NOX4: variants seen among roughly 807,000 people sequenced by gnomAD.
The protein encoded by NOX4 is NADPH oxidase 4.
NOX4 carries 69 observed loss-of-function variants against 87.6 expected under a neutral mutation model. The observed-to-expected ratio is 0.79, with a 90% CI of 0.65 to 0.96. The LOEUF is 0.96. Among genes scored for constraint, NOX4 ranks in the 40% least tolerant of loss-of-function variants. NOX4 has a pLI of 0.00. For synonymous variants in NOX4, 275 were observed against 238.2 expected (o/e 1.15, Z -1.42); for missense variants, 680 against 681.5 (o/e 1.00, Z 0.02).
intron 2 of NOX4, among the ~76,000 whole-genome samples, chr11:89,484,788 G>A (rs1009894858): frequency 6.6e-6 from 1 of 152,078 alleles, no homozygotes; most frequent in East Asian, 1.9e-4. Flanking sequence ...AGAAAATTGT[G>A]TCTAAATAAC....
chr11:89,445,192 T>C (rs1163839601), intron 4 of NOX4, among the ~76,000 whole-genome samples: 5 of 152,138 alleles, frequency 3.3e-5, no homozygotes, highest in Non-Finnish European at 7.3e-5. Flanking sequence ...ATGAGATAAG[T>C]GATCTGAAAT....
chr11:89,373,277 C>CAAAAAAAAAAAAAAAAAAAAAA (rs144113376), intron 12 of NOX4, among the ~76,000 whole-genome samples, 155 bp downstream of exon 12: 8 of 59,100 alleles, frequency 1.4e-4, no homozygotes, highest in Non-Finnish European at 2.1e-4. Context: ...ACTGTACAAG[C>CAAAAAAAAAAAAAAAAAAAAAA]AAAAAAAAAA....
chr11:89,371,192 A>C (rs1044412166), intron 12 of NOX4, among the ~76,000 whole-genome samples: 6 of 151,962 alleles, frequency 3.9e-5, no homozygotes, highest in African/African-American at 1.4e-4. Flanking sequence ...ATCTCTTTGA[A>C]CTAAAGTGTC....
intron 11 of NOX4, among the ~76,000 whole-genome samples, chr11:89,399,475 G>GT (rs1314602809): frequency 1.3e-5 from 1 of 79,214 alleles, no homozygotes; most frequent in Non-Finnish European, 2.6e-5. Flanking sequence ...ATATATATTT[G>GT]TTTTTTGAGA....
rs1362163444 is a variant in NOX4 at position 89,400,341 on chromosome 11, A to G, written c.885T>C (p.Cys295=). 4 of 1,612,376 alleles carry G rather than the reference A, an allele frequency of 2.5e-6. No individual in the cohort carries two copies. The South Asian group carries it at 3.3e-5, about 13-fold the overall frequency. The change falls in exon 10 of 18, where the codon TGT becomes TGC. Residue 295 remains cysteine (C), a synonymous_variant. Transcript: ENST00000263317. ...GGATATACCTGTAAAGTCTTTCGGC[A>G]CAGTACAGGCACAAAGGTCCAGAAA... is the stretch of plus-strand genomic sequence containing the variant. ...LWISGPLCLY[C]AERLYRYIRS...
In NOX4 at chr11:89,439,372, G is replaced by A. The variant is rs371317148; in HGVS notation, c.475+1316C>T. Among the ~76,000 whole-genome samples, 28 of 152,064 alleles carry A rather than the reference G, an allele frequency of 1.8e-4. No homozygotes were observed. The East Asian group carries it at 3.1e-3, about 17-fold the overall frequency. On this transcript the variant is annotated intron_variant, in intron 6 of 17. Transcript: ENST00000263317. ...AAAGTTGAAAGCAAAACTAAATTGTGTTCCTAAAGAGAAAACTGTGAAATA... is the reference window on the plus strand; with the variant it reads ...AAAGTTGAAAGCAAAACTAAATTGTATTCCTAAAGAGAAAACTGTGAAATA...
chr11:89,373,292 A>G, intron 12 of NOX4, 140 bp downstream of exon 12: 1 of 490,188 alleles, frequency 2.0e-6, no homozygotes, highest in Non-Finnish European at 3.6e-6. Flanking sequence ...AAAAAAAAAA[A>G]AAAAAACAAA....
At chr11:89,428,751 C>G (rs529797861) in intron 7 of NOX4, among the ~76,000 whole-genome samples, 13 of 152,252 alleles carry the variant, frequency 8.5e-5, no homozygotes, top group African/African-American at 3.1e-4. Flanking sequence ...CTTAGACAAC[C>G]ACACAATAAT....
chr11:89,395,817 T>G (rs1464889172), intron 11 of NOX4, among the ~76,000 whole-genome samples: 1 of 152,166 alleles, frequency 6.6e-6, no homozygotes, highest in Non-Finnish European at 1.5e-5. Flanking sequence ...TGGTTGTAGA[T>G]GTGCGGTGTT....
chr11:89,531,032 T>G, the NOX4 span, among the ~76,000 whole-genome samples: 1 of 152,180 alleles, frequency 6.6e-6, no homozygotes, highest in Non-Finnish European at 1.5e-5. Flanking sequence ...GACGCTCCCT[T>G]GTTACATTAT....
In NOX4 at chr11:89,411,999, A is replaced by G. The variant is rs1017291731; in HGVS notation, c.630-9457T>C. Among the ~76,000 whole-genome samples, 13 of 152,288 alleles carry G rather than the reference A, an allele frequency of 8.5e-5. 1 individual carries two copies. Among genetic ancestry groups the G allele is most frequent in the Middle Eastern group, 3.4e-3 (1 of 294 alleles). The stretch of plus-strand genomic sequence containing the variant: ...AACATATTCCATGCCAATGGAAACC[A>G]AAAAGGAAGAGGAGAAGCTATACTT... On this transcript the variant is annotated intron_variant, in intron 8 of 17. Coordinates refer to ENST00000263317, the MANE Select transcript of NOX4 (RefSeq NM_016931.5).
intron 11 of NOX4, among the ~76,000 whole-genome samples, chr11:89,379,529 A>G (rs1441995141): frequency 6.6e-6 from 1 of 152,184 alleles, no homozygotes; most frequent in East Asian, 1.9e-4. Flanking sequence ...CTGGTCGTGG[A>G]AGGCAGGGCT....
At chr11:89,507,768 A>G in the NOX4 span, among the ~76,000 whole-genome samples, 1 of 151,986 alleles carries the variant, frequency 6.6e-6, no homozygotes, top group African/African-American at 2.4e-5. Flanking sequence ...CATGGTAAAT[A>G]TTAGATAATT....
chr11:89,354,119 G>A (rs1229932212), intron 13 of NOX4, among the ~76,000 whole-genome samples: 1 of 152,170 alleles, frequency 6.6e-6, no homozygotes, highest in Non-Finnish European at 1.5e-5. Context: ...TCAAAGCGAT[G>A]AAAGAATTTG....
chr11:89,553,514 A>G, the NOX4 span, among the ~76,000 whole-genome samples: 1 of 152,182 alleles, frequency 6.6e-6, no homozygotes. Flanking sequence ...AAAACAAACT[A>G]ATACAAAGGC....
chr11:89,565,216 C>T, the NOX4 span, among the ~76,000 whole-genome samples: 5 of 151,966 alleles, frequency 3.3e-5, no homozygotes, highest in African/African-American at 1.2e-4. Context: ...TTTACAGTTT[C>T]CTCTGTTAAG....
chr11:89,536,050 T>A, the NOX4 span, among the ~76,000 whole-genome samples: 1 of 152,062 alleles, frequency 6.6e-6, no homozygotes, highest in Non-Finnish European at 1.5e-5. Flanking sequence ...TCATGTTAGT[T>A]TTTTTATTTA....
the NOX4 span, among the ~76,000 whole-genome samples, chr11:89,522,072 T>C: frequency 7.2e-5 from 11 of 152,292 alleles, no homozygotes; most frequent in South Asian, 2.3e-3. Flanking sequence ...TATACACTGC[T>C]GGAGGGAATG....
intron 11 of NOX4, among the ~76,000 whole-genome samples, chr11:89,384,902 A>C (rs1220595498): frequency 6.6e-6 from 1 of 151,334 alleles, no homozygotes; most frequent in African/African-American, 2.4e-5. Flanking sequence ...CCTGACATTC[A>C]CTCCATTTCC....
Sources: gnomAD v4.1 joint callset for allele counts (sites outside exome capture counted in the v4.1 genomes callset) on GRCh38, gnomAD v4.1.1 for gene constraint, MANE v1.5 for transcripts, NCBI Gene and HGNC (gene_info 2026-07-23, HGNC 2026-07-21) for gene names.